ADGRV1: variants seen among roughly 807,000 people sequenced by gnomAD.
ADGRV1 encodes the protein adhesion G protein-coupled receptor V1, also known as G-protein coupled receptor 98.
Under a neutral mutation model 596.2 loss-of-function variants are expected in ADGRV1, and 359 were observed. The ratio of observed to expected loss-of-function variants is 0.60; its 90% CI spans 0.55 to 0.66. ADGRV1 has a LOEUF of 0.66. ADGRV1 is among the 30% of genes least tolerant of loss of function. The pLI is 0.00. For synonymous variants in ADGRV1, 2,681 were observed against 2,679.2 expected (o/e 1.00, Z -0.02); for missense variants, 7,274 against 7,575.6 (o/e 0.96, Z 1.48).
chr5:90,950,090 G>GA (rs1399887469), intron 83 of ADGRV1, among the ~76,000 whole-genome samples: 1 of 152,160 alleles, frequency 6.6e-6, no homozygotes, highest in Non-Finnish European at 1.5e-5. Context: ...CCATTTCAAT[G>GA]AAAAATGTAG....
At chr5:90,739,613 G>A (rs1301378190) in intron 50 of ADGRV1, among the ~76,000 whole-genome samples, 1 of 152,160 alleles carries the variant, frequency 6.6e-6, no homozygotes, top group East Asian at 1.9e-4. Context: ...TCTCTGGTTG[G>A]GGTCTTCAGT....
chr5:90,836,341 A>T (rs747167150), intron 77 of ADGRV1, among the ~76,000 whole-genome samples: 16 of 152,154 alleles, frequency 1.1e-4, no homozygotes, highest in Non-Finnish European at 2.2e-4. Flanking sequence ...GGTGTCCTTC[A>T]ATGGGTGAAT....
At chr5:90,927,535 C>T (rs951303280) in intron 83 of ADGRV1, among the ~76,000 whole-genome samples, 7 of 152,144 alleles carry the variant, frequency 4.6e-5, no homozygotes, top group Admixed American at 3.9e-4. Context: ...TGTCTCTGCA[C>T]GTGAGATGCG....
chr5:90,696,498 GGAAGGTATTGTGTT>G (rs1437112596), intron 33 of ADGRV1, among the ~76,000 whole-genome samples: 2 of 152,038 alleles, frequency 1.3e-5, no homozygotes, highest in Non-Finnish European at 2.9e-5. Flanking sequence ...TGGTTTTTCA[GGAAGGTATTGTGTT>G]GATATCTGAT....
intron 45 of ADGRV1, among the ~76,000 whole-genome samples, chr5:90,721,591 T>TAAAATAAAATAAAATAAAATAAAAATAAA (rs1561595562): frequency 1.2e-5 from 1 of 82,580 alleles, no homozygotes; most frequent in African/African-American, 4.8e-5. Context: ...TAAAATAAAA[T>TAAAATAAAATAAAATAAAATAAAAATAAA]ATGTATTTAG....
chr5:90,899,569 G>A (rs963089713), intron 83 of ADGRV1, among the ~76,000 whole-genome samples: 1 of 152,146 alleles, frequency 6.6e-6, no homozygotes, highest in African/African-American at 2.4e-5. Flanking sequence ...TCAGGCCACT[G>A]TTCTTTGCTG....
In ADGRV1 at chr5:90,977,712, AATAG is replaced by A. The variant is rs1015444113; in HGVS notation, c.17974-7627_17974-7624del. Among the ~76,000 whole-genome samples, 24 of 152,190 alleles carry A rather than the reference AATAG, an allele frequency of 1.6e-4. 1 individual carries two copies. Among genetic ancestry groups the A allele is most frequent in the African/African-American group, 4.1e-4 (17 of 41,448 alleles). On this transcript the variant is annotated intron_variant, in intron 84 of 89. Coordinates refer to ENST00000405460, the MANE Select transcript of ADGRV1 (RefSeq NM_032119.4). ...TAGGGAAAATGTTATTGTAAAAATA[AATAG>A]ATAGGTTTGTGTAGGAATGTAAGTA...
intron 81 of ADGRV1, 83 bp from the exon 82 acceptor site, chr5:90,855,658 G>T (rs1766954038): frequency 1.1e-5 from 10 of 905,030 alleles, no homozygotes; most frequent in Non-Finnish European, 1.7e-5. Flanking sequence ...CTTAATTTCA[G>T]TAAGCTATTT....
chr5:90,704,301 C>A, intron 35 of ADGRV1, 88 bp from the exon 36 acceptor site: 2 of 807,770 alleles, frequency 2.5e-6, no homozygotes, highest in Non-Finnish European at 3.9e-6. Flanking sequence ...TATTTGCCTG[C>A]ACAATTTATA....
At chr5:90,618,039 T>G (rs1763590429) in intron 3 of ADGRV1, 86 bp downstream of exon 3, 2 of 1,025,092 alleles carry the variant, frequency 2.0e-6, no homozygotes, top group Non-Finnish European at 2.7e-6. Flanking sequence ...AATCTATCTA[T>G]CTAGAGATGA....
intron 85 of ADGRV1, among the ~76,000 whole-genome samples, chr5:91,017,219 T>C (rs2151171528): frequency 6.6e-6 from 1 of 152,084 alleles, no homozygotes; most frequent in South Asian, 2.1e-4. Context: ...GCAATACTGA[T>C]TGACCAGCCG....
chr5:90,686,358 T>G (rs1745645393), intron 29 of ADGRV1, among the ~76,000 whole-genome samples: 1 of 152,024 alleles, frequency 6.6e-6, no homozygotes. Flanking sequence ...AAGCTATCCC[T>G]CCCCGCTCCC....
Position 90,811,459 on chromosome 5 carries a change from A to T in ADGRV1, c.16078+121A>T. The T allele has an allele frequency of 8.5e-6, 8 of 939,118 alleles. 1 individual carries two copies. The South Asian group carries it at 1.5e-4, about 18-fold the overall frequency. The allele number at this position is 939,118 out of a possible 1,614,324, so 58.2% of individuals were successfully genotyped here. A position where few individuals can be genotyped will look rare whatever the true frequency, so the allele number is the denominator to read the frequency against. On this transcript the variant is annotated intron_variant, in intron 74 of 89. Transcript: ENST00000405460. ...GTTCTTAAGTTATTCATAGGAATGC[A>T]TTAAAGTGTTGTTTTTCTGTAGCAT... is the stretch of plus-strand genomic sequence containing the variant.
At chr5:90,949,057 A>G (rs1776845943) in intron 83 of ADGRV1, among the ~76,000 whole-genome samples, 1 of 152,184 alleles carries the variant, frequency 6.6e-6, no homozygotes, top group African/African-American at 2.4e-5. Context: ...CAATAAAAAA[A>G]GTGAAATATT....
chr5:90,606,518 G>A (rs1264506182), intron 1 of ADGRV1, among the ~76,000 whole-genome samples: 3 of 152,062 alleles, frequency 2.0e-5, no homozygotes, highest in Non-Finnish European at 4.4e-5. Context: ...GGAAACAAAA[G>A]GGCATTGTTT....
At chr5:91,162,915 G>T (rs1289548472) in intron 89 of ADGRV1, among the ~76,000 whole-genome samples, 1 of 152,154 alleles carries the variant, frequency 6.6e-6, no homozygotes, top group African/African-American at 2.4e-5. Flanking sequence ...GTCTAGTGGG[G>T]CTGGCCCTGG....
intron 87 of ADGRV1, among the ~76,000 whole-genome samples, chr5:91,146,988 C>T (rs1295330822): frequency 6.6e-6 from 1 of 151,788 alleles, no homozygotes; most frequent in Non-Finnish European, 1.5e-5. Flanking sequence ...ATGGCAAAAC[C>T]CCATCTGTAC....
chr5:90,646,953 T>C (rs749698352), intron 16 of ADGRV1, among the ~76,000 whole-genome samples: 4 of 152,088 alleles, frequency 2.6e-5, no homozygotes, highest in Non-Finnish European at 5.9e-5. Flanking sequence ...TTTGTATTTT[T>C]AGTAGAGACG....
intron 83 of ADGRV1, among the ~76,000 whole-genome samples, chr5:90,921,622 C>T (rs1008686490): frequency 6.6e-6 from 1 of 152,134 alleles, no homozygotes; most frequent in Non-Finnish European, 1.5e-5. Context: ...GCCATCTGTG[C>T]TGTTAAATTT....
Sources: allele counts gnomAD v4.1 joint callset (sites outside exome capture counted in the v4.1 genomes callset), GRCh38; gene constraint gnomAD v4.1.1; transcripts MANE v1.5; gene names NCBI Gene and HGNC (gene_info 2026-07-23, HGNC 2026-07-21).